SIPA1L1: variants seen among roughly 807,000 people sequenced by gnomAD.
The protein encoded by SIPA1L1 is signal-induced proliferation-associated 1-like protein 1.
SIPA1L1 carries 26 observed loss-of-function variants against 162.7 expected under a neutral mutation model. The ratio of observed to expected loss-of-function variants is 0.16; its 90% confidence interval spans 0.12 to 0.22. The LOEUF (loss-of-function observed/expected upper bound fraction) is 0.22. Among genes scored for constraint, SIPA1L1 ranks in the 10% least tolerant of loss-of-function variants. SIPA1L1 has a pLI of 1.00. For synonymous variants in SIPA1L1, 829 were observed against 837.4 expected (o/e 0.99, Z 0.17); for missense variants, 1,874 against 2,241.0 (o/e 0.84, Z 3.31).
chr14:71,605,966 C>A (rs1250556413), intron 5 of SIPA1L1, among the ~76,000 whole-genome samples: 4 of 152,088 alleles, frequency 2.6e-5, no homozygotes, highest in African/African-American at 7.3e-5. Flanking sequence ...AGTGGGATGA[C>A]CCTCTGAGTT....
At chr14:71,590,030 A>ATATATAT (rs1175469097) in intron 5 of SIPA1L1, among the ~76,000 whole-genome samples, 2 of 52,652 alleles carry the variant, frequency 3.8e-5, no homozygotes, top group East Asian at 1.2e-3. Context: ...GTAAAAAAAA[A>ATATATAT]AAAAAAAAAA....
intron 2 of SIPA1L1, among the ~76,000 whole-genome samples, chr14:71,348,029 A>G (rs2036334954): frequency 6.6e-6 from 1 of 152,246 alleles, no homozygotes; most frequent in Non-Finnish European, 1.5e-5. Context: ...ACTGCTACAA[A>G]TATTTTAGAC....
chr14:71,469,358 G>C (rs2047269370), intron 2 of SIPA1L1, among the ~76,000 whole-genome samples: 1 of 152,094 alleles, frequency 6.6e-6, no homozygotes, highest in Non-Finnish European at 1.5e-5. Flanking sequence ...GATGTGAGAG[G>C]GCAACACTGT....
chr14:71,612,241 A>G (rs1384719049), intron 5 of SIPA1L1, among the ~76,000 whole-genome samples: 2 of 152,212 alleles, frequency 1.3e-5, no homozygotes, highest in Non-Finnish European at 2.9e-5. Context: ...TTGTGACTTT[A>G]ACATATCTTG....
At chr14:71,367,367 C>T (rs943275369) in intron 2 of SIPA1L1, among the ~76,000 whole-genome samples, 2 of 147,994 alleles carry the variant, frequency 1.4e-5, no homozygotes, top group Admixed American at 1.4e-4. Context: ...AGTGCAGTGG[C>T]GCGATCTCTG....
chr14:71,336,028 C>T (rs1274695804), intron 2 of SIPA1L1, among the ~76,000 whole-genome samples: 4 of 152,060 alleles, frequency 2.6e-5, no homozygotes, highest in African/African-American at 9.7e-5. Context: ...TAATTTTTCC[C>T]CCTAGAAGGA....
chr14:71,385,321 A>AG (rs2040228077), intron 2 of SIPA1L1, among the ~76,000 whole-genome samples: 1 of 152,170 alleles, frequency 6.6e-6, no homozygotes, highest in Admixed American at 6.5e-5. Context: ...TGAGGACTAA[A>AG]GGAAAGTAGG....
intron 2 of SIPA1L1, among the ~76,000 whole-genome samples, chr14:71,501,511 A>T (rs1019747117): frequency 6.6e-6 from 1 of 152,124 alleles, no homozygotes; most frequent in African/African-American, 2.4e-5. Flanking sequence ...TAAAGTGACC[A>T]TACAAAAACA....
chr14:71,325,161 A>G (rs779432975), intron 2 of SIPA1L1, among the ~76,000 whole-genome samples: 6 of 152,182 alleles, frequency 3.9e-5, no homozygotes, highest in African/African-American at 7.2e-5. Context: ...CTTGAGACTG[A>G]CAATCTGACC....
At chr14:71,512,474 C>A (rs551167079) in intron 2 of SIPA1L1, among the ~76,000 whole-genome samples, 51 of 151,366 alleles carry the variant, frequency 3.4e-4, no homozygotes, top group Non-Finnish European at 6.3e-4. Context: ...ATAGTCCCAG[C>A]TACTCGAGAG....
At chr14:71,329,138 G>T (rs574185925) in intron 2 of SIPA1L1, among the ~76,000 whole-genome samples, 1 of 152,112 alleles carries the variant, frequency 6.6e-6, no homozygotes. Flanking sequence ...GTATTCCGTC[G>T]TATGGGTATA....
At chr14:71,708,153 T>C (rs2082612664) in intron 16 of SIPA1L1, among the ~76,000 whole-genome samples, 1 of 151,640 alleles carries the variant, frequency 6.6e-6, no homozygotes, top group Non-Finnish European at 1.5e-5. Context: ...TTTTGTTTCA[T>C]ATGCTTTTGT....
At chr14:71,627,804 T>C (rs1027265716) in intron 7 of SIPA1L1, among the ~76,000 whole-genome samples, 2 of 152,240 alleles carry the variant, frequency 1.3e-5, no homozygotes, top group African/African-American at 2.4e-5. Flanking sequence ...CTGTCATCCC[T>C]TAATAGCCCT....
intron 2 of SIPA1L1, among the ~76,000 whole-genome samples, chr14:71,425,894 TA>T (rs1342911596): frequency 6.6e-6 from 1 of 152,206 alleles, no homozygotes; most frequent in East Asian, 1.9e-4. Context: ...AATAAATTTT[TA>T]TAATGGTTAT....
intron 4 of SIPA1L1, among the ~76,000 whole-genome samples, chr14:71,536,752 C>T (rs187801148): frequency 1.4e-4 from 21 of 152,136 alleles, no homozygotes; most frequent in Non-Finnish European, 1.3e-4. Context: ...TTAAATTAGG[C>T]GAATATTGCC....
chr14:71,668,622 G>A (rs1477932150), intron 10 of SIPA1L1, among the ~76,000 whole-genome samples: 1 of 152,204 alleles, frequency 6.6e-6, no homozygotes, highest in Non-Finnish European at 1.5e-5. Context: ...GAAAGAATTT[G>A]AGGAACATTG....
chr14:71,610,061 T>A (rs545834569), intron 5 of SIPA1L1, among the ~76,000 whole-genome samples: 1 of 152,310 alleles, frequency 6.6e-6, no homozygotes, highest in East Asian at 1.9e-4. Context: ...TTACCATCAT[T>A]TCAAAGTAGG....
intron 2 of SIPA1L1, among the ~76,000 whole-genome samples, chr14:71,385,826 T>C (rs10140577): frequency 0.017 from 2,626 of 152,162 alleles, 78 homozygotes; most frequent in African/African-American, 0.06. Flanking sequence ...TAGCTGGGAT[T>C]ACAGGCATGT....
chr14:71,729,790 C>A (rs988858070), intron 19 of SIPA1L1, among the ~76,000 whole-genome samples: 1 of 152,192 alleles, frequency 6.6e-6, no homozygotes, highest in Admixed American at 6.5e-5. Context: ...TAACCACACA[C>A]GATCTTGATA....
Sources: gnomAD v4.1 joint callset for allele counts (sites outside exome capture counted in the v4.1 genomes callset) on GRCh38, gnomAD v4.1.1 for gene constraint, MANE v1.5 for transcripts, NCBI Gene and HGNC (gene_info 2026-07-23, HGNC 2026-07-21) for gene names.